Variants in TNRC6A observed in about 807,000 individuals in gnomAD.
TNRC6A encodes the protein trinucleotide repeat containing adaptor 6A.
TNRC6A carries 44 observed loss-of-function variants against 221.2 expected under a neutral mutation model. That is an observed-to-expected ratio of 0.20 (90% CI 0.16 to 0.26). The LOEUF is 0.26. Among genes scored for constraint, TNRC6A ranks in the 10% least tolerant of loss-of-function variants. TNRC6A has a pLI of 1.00. For synonymous variants in TNRC6A, 847 were observed against 838.5 expected (o/e 1.01, Z -0.18); for missense variants, 2,199 against 2,404.4 (o/e 0.91, Z 1.79).
intron 1 of TNRC6A, among the ~76,000 whole-genome samples, chr16:24,638,589 G>A (rs544318750): frequency 3.3e-5 from 5 of 151,872 alleles, no homozygotes; most frequent in African/African-American, 1.2e-4. Context: ...GGCATGTGCC[G>A]GTAGTCCCAG....
chr16:24,777,822 A>G (rs972538317), intron 5 of TNRC6A, among the ~76,000 whole-genome samples: 24 of 152,210 alleles, frequency 1.6e-4, no homozygotes, highest in Non-Finnish European at 2.9e-4. Context: ...ACTGGCACTC[A>G]TAGAAATTAT....
At chr16:24,729,623 C>T, upstream of TNRC6A, 4 of 447,590 alleles carry the variant, frequency 8.9e-6, no homozygotes, top group Non-Finnish European at 1.5e-5. Flanking sequence ...CGTGGCGCCC[C>T]CGGAAGGGGT....
Position 24,790,540 on chromosome 16 carries a change from A to T in TNRC6A, c.1898A>T (p.Asn633Ile), listed in dbSNP as rs1475049673. The change falls in exon 6 of 25, where the codon AAT (asparagine) becomes ATT (isoleucine). Residue 633 changes from asparagine to isoleucine, a missense_variant. Physicochemically the swap from Asn to Ile is moderately radical, Grantham distance 149. Coordinates refer to ENST00000395799, the MANE Select transcript of TNRC6A (RefSeq NM_014494.4). The part of the protein sequence containing the change: ...NQHSNDSANG[N>I]GKTFTNGWKS... ...CATTCCAATGATAGTGCAAATGGCA[A>T]TGGTAAGACGTTTACAAATGGATGG... is the stretch of plus-strand genomic sequence containing the variant. The T allele has an allele frequency of 6.2e-7, 1 of 1,614,254 alleles. No homozygotes were observed. The highest frequency in any genetic ancestry group is 1.7e-5 in the Admixed American group (1 of 60,022).
intron 11 of TNRC6A, among the ~76,000 whole-genome samples, chr16:24,798,337 G>C (rs2058263337): frequency 6.6e-6 from 1 of 152,192 alleles, no homozygotes; most frequent in African/African-American, 2.4e-5. Flanking sequence ...CAGTTTTGGT[G>C]GGGGCAGCCG....
chr16:24,736,341 AC>A (rs1251987070), intron 2 of TNRC6A, among the ~76,000 whole-genome samples: 1 of 152,192 alleles, frequency 6.6e-6, no homozygotes, highest in Non-Finnish European at 1.5e-5. Flanking sequence ...AGGGCATTCT[AC>A]CTGACAGCAA....
At chr16:24,775,172 C>T (rs139627309) in intron 4 of TNRC6A, among the ~76,000 whole-genome samples, 64 of 152,162 alleles carry the variant, frequency 4.2e-4, no homozygotes, top group Admixed American at 1.2e-3. Context: ...AAGGAATATA[C>T]GTTATTGTTA....
chr16:24,740,516 T>G (rs144888002), intron 2 of TNRC6A, among the ~76,000 whole-genome samples: 12 of 152,344 alleles, frequency 7.9e-5, no homozygotes, highest in South Asian at 6.2e-4. Context: ...TAATCATGCT[T>G]CTTTTGTGGA....
intron 2 of TNRC6A, among the ~76,000 whole-genome samples, chr16:24,682,855 T>C (rs572469525): frequency 6.6e-6 from 1 of 152,254 alleles, no homozygotes; most frequent in Non-Finnish European, 1.5e-5. Flanking sequence ...AGGGAGCCCA[T>C]CGAACAGTGT....
At chr16:24,612,071 A>G (rs60109827) in intron 1 of TNRC6A, among the ~76,000 whole-genome samples, 41,460 of 151,880 alleles carry the variant, frequency 0.27, 5,792 homozygotes, top group Middle Eastern at 0.36. Flanking sequence ...TCCAGCCTGG[A>G]CAACAGATCA....
upstream of TNRC6A, among the ~76,000 whole-genome samples, chr16:24,727,455 A>C (rs1041316813): frequency 7.9e-5 from 12 of 152,276 alleles, no homozygotes; most frequent in African/African-American, 2.9e-4. Flanking sequence ...GCATCGTAGA[A>C]TATTTAGTAG....
rs71156430 is a variant in TNRC6A at position 24,648,274 on chromosome 16, CT to C, written n.402+7280del. 1.0e-3 allele frequency among the ~76,000 whole-genome samples: 99 copies of C among 97,822 alleles called. 3 individuals are homozygous for C. The highest frequency in any genetic ancestry group is 1.5e-3 in the Admixed American group (12 of 8,006). The allele number at this position is 97,822 out of a possible 152,430, so 64.2% of individuals were successfully genotyped here. A position where few individuals can be genotyped will look rare whatever the true frequency, so the allele number is the denominator to read the frequency against. ...GCAATTGTACCACTTTCCACAGCAA[CT>C]TTTTTTTTTTTTTTGAGATGGAGTC... On this transcript the variant is annotated intron_variant and non_coding_transcript_variant, in intron 2 of 2. Transcript: ENST00000566108.
chr16:24,687,806 GAGAGGAAGAGGA>G (rs370554977), intron 2 of TNRC6A, among the ~76,000 whole-genome samples: 1 of 73,076 alleles, frequency 1.4e-5, no homozygotes, highest in Non-Finnish European at 2.8e-5. Flanking sequence ...GAAGGAGAAG[GAGAGGAAGAGGA>G]AGAGGAAGAA....
At chr16:24,650,809 T>G (rs990434740) in intron 2 of TNRC6A, among the ~76,000 whole-genome samples, 1 of 152,220 alleles carries the variant, frequency 6.6e-6, no homozygotes, top group African/African-American at 2.4e-5. Flanking sequence ...TTTTATGTGA[T>G]GCACTTAGGA....
At chr16:24,676,594 T>C (rs183595613) in intron 2 of TNRC6A, among the ~76,000 whole-genome samples, 1 of 152,236 alleles carries the variant, frequency 6.6e-6, no homozygotes, top group Admixed American at 6.5e-5. Flanking sequence ...TAGCTGGGAC[T>C]CAGGCACACG....
chr16:24,716,239 CT>C (rs1268976512), intron 2 of TNRC6A, among the ~76,000 whole-genome samples: 1 of 152,148 alleles, frequency 6.6e-6, no homozygotes, highest in Non-Finnish European at 1.5e-5. Context: ...TCCTCCTTTG[CT>C]TGATGTCTAA....
chr16:24,734,183 AAG>A (rs936262095), intron 2 of TNRC6A, among the ~76,000 whole-genome samples: 2 of 152,152 alleles, frequency 1.3e-5, no homozygotes, highest in Admixed American at 6.5e-5. Flanking sequence ...TCAAAGCAAA[AAG>A]AGAGAGAAAG....
chr16:24,718,427 G>A (rs1474309517), intron 2 of TNRC6A, among the ~76,000 whole-genome samples: 1 of 152,208 alleles, frequency 6.6e-6, no homozygotes, highest in Non-Finnish European at 1.5e-5. Context: ...ACTGGGCTTT[G>A]AAGCAGGAGT....
chr16:24,791,141 A>G lies in TNRC6A; in HGVS notation c.2499A>G (p.Gln833=). ...KEEKAAWNDS[Q]KNKQGWGDGQ... ...AGAAGGCTGCATGGAATGACTCGCA[A>G]AAGAATAAACAGGGATGGGGTGATG... Residue 833 remains glutamine (Q), a synonymous_variant, in exon 6 of 25, where the codon CAA becomes CAG. Transcript: ENST00000395799. The G allele has an allele frequency of 2.5e-6, 4 of 1,614,140 alleles. No individual in the cohort carries two copies. Among genetic ancestry groups the G allele is most frequent in the South Asian group, 1.1e-5 (1 of 91,064 alleles).
intron 2 of TNRC6A, among the ~76,000 whole-genome samples, chr16:24,749,807 C>T (rs2057095626): frequency 6.6e-6 from 1 of 152,156 alleles, no homozygotes; most frequent in Admixed American, 6.5e-5. Context: ...CAACTTTAAC[C>T]ATTTGAGATT....
Sources: gnomAD v4.1 joint callset for allele counts (sites outside exome capture counted in the v4.1 genomes callset) on GRCh38, gnomAD v4.1.1 for gene constraint, MANE v1.5 for transcripts, NCBI Gene and HGNC (gene_info 2026-07-23, HGNC 2026-07-21) for gene names.